Variants in PIR observed in about 807,000 individuals in gnomAD.
The protein encoded by PIR is pirin (iron-binding nuclear protein).
A neutral mutation model predicts 24.2 loss-of-function variants in PIR; 22 were observed. The ratio of observed to expected loss-of-function variants is 0.91; its 90% CI spans 0.65 to 1.30. The LOEUF (loss-of-function observed/expected upper bound fraction) is 1.30, where lower values mean the gene tolerates loss of function less well. Ranked by LOEUF, PIR falls within the 50% of genes most tolerant of loss-of-function variation. PIR has a pLI of 0.00. For missense variants in PIR, 220 were observed against 220.3 expected (o/e 1.00, Z 0.01); for synonymous variants, 80 against 79.6 (o/e 1.00, Z -0.03).
chrX:15,441,157 T>A (rs1180309429), intron 5 of PIR, among the ~76,000 whole-genome samples: 1 of 111,454 alleles, frequency 9.0e-6, no homozygotes, highest in African/African-American at 3.3e-5. Flanking sequence ...AAAAAGAAAA[T>A]CCTTATTCTA....
chrX:15,423,127 C>A (rs1925191340), intron 6 of PIR, among the ~76,000 whole-genome samples: 1 of 111,779 alleles, frequency 8.9e-6, no homozygotes, highest in Non-Finnish European at 1.9e-5. Context: ...AAAATCAAAT[C>A]AAAATGAATT....
At chrX:15,399,222 G>C (rs780302459) in intron 7 of PIR, among the ~76,000 whole-genome samples, 1 of 112,629 alleles carries the variant, frequency 8.9e-6, no homozygotes, top group Non-Finnish European at 1.9e-5. Context: ...CATGTGACAA[G>C]TTGGAGCTGA....
intron 5 of PIR, among the ~76,000 whole-genome samples, chrX:15,441,040 A>T (rs1925898930): frequency 8.9e-6 from 1 of 111,885 alleles, no homozygotes. Context: ...GACTATTTTT[A>T]AAGTGAAATG....
At chrX:15,463,490 T>C (rs1328148781) in intron 3 of PIR, among the ~76,000 whole-genome samples, 1 of 111,983 alleles carries the variant, frequency 8.9e-6, no homozygotes, top group Non-Finnish European at 1.9e-5. Flanking sequence ...ATAGAGCACA[T>C]AATACAGTGC....
At chrX:15,388,355 C>T (rs937167922) in intron 9 of PIR, among the ~76,000 whole-genome samples, 4 of 111,724 alleles carry the variant, frequency 3.6e-5, no homozygotes, top group African/African-American at 1.3e-4. Flanking sequence ...GAGCAATGGA[C>T]GACCAGCATG....
At chrX:15,392,914 A>G (rs1300841816) in intron 8 of PIR, among the ~76,000 whole-genome samples, 1 of 112,382 alleles carries the variant, frequency 8.9e-6, no homozygotes, top group Non-Finnish European at 1.9e-5. Context: ...CAGAAAATAC[A>G]GTGATGATGT....
At chrX:15,457,118 G>A (rs1393086823) in intron 4 of PIR, among the ~76,000 whole-genome samples, 1 of 112,158 alleles carries the variant, frequency 8.9e-6, no homozygotes, top group Non-Finnish European at 1.9e-5. Flanking sequence ...GTGGACATCT[G>A]GAATTCAATC....
At position 15,479,840 on chromosome X, in the gene PIR, T is replaced by G; in HGVS notation, c.97-19A>C. On this transcript the variant is annotated intron_variant, in intron 2 of 9. Transcript: ENST00000380420. ...TTTTTAACTGAAATAAAAATAAAAT[T>G]TGCAGATTAGATATGTCTTTTAAGC... 2 of 947,149 alleles carry G rather than the reference T, an allele frequency of 2.1e-6. No individual in the cohort carries two copies. The highest frequency in any genetic ancestry group is 3.0e-6 in the Non-Finnish European group (2 of 664,176). The allele number at this position is 947,149 out of a possible 1,213,427, so 78.1% of individuals were successfully genotyped here.
intron 3 of PIR, among the ~76,000 whole-genome samples, chrX:15,466,362 G>A (rs952804758): frequency 1.8e-5 from 2 of 111,401 alleles, no homozygotes; most frequent in African/African-American, 6.5e-5. Flanking sequence ...GGATAAATCC[G>A]AGTATTTTAA....
chrX:15,433,546 G>GAAAGAA (rs1569201525), intron 5 of PIR, among the ~76,000 whole-genome samples: 6 of 62,916 alleles, frequency 9.5e-5, no homozygotes, highest in Non-Finnish European at 1.7e-4. Flanking sequence ...GAAAGAAAGA[G>GAAAGAA]AGAGAAAGAA....
chrX:15,450,323 A>G (rs1361591907), intron 5 of PIR, among the ~76,000 whole-genome samples: 1 of 111,251 alleles, frequency 9.0e-6, no homozygotes, highest in Non-Finnish European at 1.9e-5. Flanking sequence ...CAAGCTCCCT[A>G]TGTCAGAAAC....
chrX:15,430,059 T>C lies in PIR; in HGVS notation c.481-4069A>G, dbSNP rs755484349. On this transcript the variant is annotated intron_variant, in intron 5 of 9. Transcript: ENST00000380420. ...ACCTCAAAATAGAATGATAATTTAA[T>C]TAAATCATTCTTTTTTGGTTAAAAC... Among the ~76,000 whole-genome samples the C allele has an allele frequency of 9.8e-5, 11 of 112,070 alleles. No homozygotes were observed. The South Asian group carries it at 4.1e-3, about 42-fold the overall frequency.
intron 5 of PIR, among the ~76,000 whole-genome samples, chrX:15,433,279 G>A (rs1428974737): frequency 9.1e-6 from 1 of 110,485 alleles, no homozygotes; most frequent in African/African-American, 3.3e-5. Flanking sequence ...TTAAGGGTCT[G>A]GCCAAGAAAA....
chrX:15,411,583 G>A (rs1308616340), intron 6 of PIR, among the ~76,000 whole-genome samples: 1 of 111,286 alleles, frequency 9.0e-6, no homozygotes, highest in African/African-American at 3.3e-5. Context: ...GGGCTAAGGA[G>A]AGATTGCAAC....
intron 6 of PIR, among the ~76,000 whole-genome samples, chrX:15,420,781 G>A (rs1186631360): frequency 1.8e-5 from 2 of 110,996 alleles, no homozygotes; most frequent in African/African-American, 6.6e-5. Flanking sequence ...AGGTTGCAGT[G>A]AGCTATAATT....
rs777679397 is a variant in PIR, at chrX:15,491,671, A to G, written c.-52-362T>C. Reference sequence around the variant, plus strand: ...TGTATGACAGTAGTCCCATAAGACTATAATGCCATATTTTTACTGTATCTT... The same window carrying G: ...TGTATGACAGTAGTCCCATAAGACTGTAATGCCATATTTTTACTGTATCTT... On this transcript the variant is annotated intron_variant, in intron 1 of 9. Transcript: ENST00000380420. Among the ~76,000 whole-genome samples, 10 of 112,162 alleles carry G rather than the reference A, an allele frequency of 8.9e-5. No homozygotes were observed. In the East Asian group the frequency reaches 2.8e-3, roughly 32 times the overall value.
At chrX:15,404,063 C>A (rs1403374386) in intron 7 of PIR, among the ~76,000 whole-genome samples, 1 of 108,035 alleles carries the variant, frequency 9.3e-6, no homozygotes, top group African/African-American at 3.4e-5. Context: ...TGCAGTGGCA[C>A]AGTCTCAGAT....
chrX:15,385,169 C>A (rs1221089313), intron 9 of PIR, 53 bp from the exon 10 acceptor site: 2 of 585,676 alleles, frequency 3.4e-6, no homozygotes, highest in African/African-American at 4.5e-5. Context: ...TTTTCCTCTA[C>A]CACTAGAAAT....
chrX:15,431,220 C>T (rs1925494446), intron 5 of PIR, among the ~76,000 whole-genome samples: 1 of 111,814 alleles, frequency 8.9e-6, no homozygotes, highest in Non-Finnish European at 1.9e-5. Flanking sequence ...CCTAGACACA[C>T]ACCCCCCATT....
Sources: gnomAD v4.1 joint callset for allele counts (sites outside exome capture counted in the v4.1 genomes callset) on GRCh38, gnomAD v4.1.1 for gene constraint, MANE v1.5 for transcripts, NCBI Gene and HGNC (gene_info 2026-07-23, HGNC 2026-07-21) for gene names.